CLSTN2: variants seen among roughly 807,000 people sequenced by gnomAD.
CLSTN2 encodes calsyntenin 2, also known as calsyntenin-2.
CLSTN2 carries 48 observed loss-of-function variants against 101.2 expected under a neutral mutation model. That is an observed-to-expected ratio of 0.47 (90% CI 0.38 to 0.60). The LOEUF (loss-of-function observed/expected upper bound fraction) is 0.60, where lower values mean the gene tolerates loss of function less well. Among genes scored for constraint, CLSTN2 ranks in the 20% least tolerant of loss-of-function variants. The probability of loss-of-function intolerance (pLI) is 0.00; values close to 1 mark genes in which losing one functional copy is unlikely to be tolerated. For synonymous variants in CLSTN2, 481 were observed against 463.6 expected, an observed-to-expected ratio of 1.04 and a Z score of -0.48; for missense variants, 1,160 against 1,238.2, an observed-to-expected ratio of 0.94 and a Z score of 0.95.
intron 8 of CLSTN2, among the ~76,000 whole-genome samples, chr3:140,480,776 C>A (rs926272621): frequency 6.6e-6 from 1 of 152,204 alleles, no homozygotes; most frequent in Non-Finnish European, 1.5e-5. Flanking sequence ...ATCCTTCACC[C>A]ACTTGTTGAT....
At chr3:140,168,464 AT>A (rs1346149482) in intron 1 of CLSTN2, among the ~76,000 whole-genome samples, 1 of 151,940 alleles carries the variant, frequency 6.6e-6, no homozygotes, top group Non-Finnish European at 1.5e-5. Context: ...GTGGCTTACA[AT>A]TTTTTTAGAG....
intron 1 of CLSTN2, among the ~76,000 whole-genome samples, chr3:139,955,112 C>CCATATATATATATATATATATATATA (rs1553785577): frequency 4.2e-5 from 3 of 71,504 alleles, no homozygotes; most frequent in Non-Finnish European, 2.5e-5. Flanking sequence ...GGCAATATTG[C>CCATATATATATATATATATATATATA]TATATATATA....
chr3:140,514,156 A>G (rs1028548646), intron 8 of CLSTN2, among the ~76,000 whole-genome samples: 1 of 151,762 alleles, frequency 6.6e-6, no homozygotes, highest in Non-Finnish European at 1.5e-5. Flanking sequence ...TATTTTTTCA[A>G]TAGGTTTTTG....
At chr3:140,276,782 G>A (rs1448483474) in intron 2 of CLSTN2, among the ~76,000 whole-genome samples, 2 of 152,188 alleles carry the variant, frequency 1.3e-5, no homozygotes, top group African/African-American at 4.8e-5. Context: ...CATAGAACGT[G>A]TATCAAAGGA....
intron 9 of CLSTN2, among the ~76,000 whole-genome samples, chr3:140,544,107 T>G (rs1274137148): frequency 6.6e-6 from 1 of 152,210 alleles, no homozygotes; most frequent in Admixed American, 6.5e-5. Flanking sequence ...TCTCCTTCAA[T>G]TCAAGCAAAC....
intron 1 of CLSTN2, among the ~76,000 whole-genome samples, chr3:140,094,664 G>A (rs192215863): frequency 6.6e-6 from 1 of 152,164 alleles, no homozygotes; most frequent in Non-Finnish European, 1.5e-5. Flanking sequence ...AACAGCTAGG[G>A]TGCTGTGCAA....
Position 140,529,363 on chromosome 3 carries a change from G to C in CLSTN2, c.1345-2961G>C, listed in dbSNP as rs1282183367. 2.0e-5 allele frequency among the ~76,000 whole-genome samples: 3 copies of C among 152,190 alleles called. No individual in the cohort carries two copies. The East Asian group carries it at 5.8e-4, about 29-fold the overall frequency. ...TAGGCAAGGCCTCAGGCATCATTCT[G>C]GGGGATGGTGTCAGACATTCTTGGA... On this transcript the variant is annotated intron_variant, in intron 8 of 16. Transcript: ENST00000458420.
At chr3:140,234,319 G>A (rs965024398) in intron 2 of CLSTN2, among the ~76,000 whole-genome samples, 8 of 152,106 alleles carry the variant, frequency 5.3e-5, no homozygotes, top group South Asian at 4.1e-4. Flanking sequence ...CTGTCTAGAC[G>A]ACACTCTGAG....
At chr3:140,443,770 C>T (rs1254867034) in intron 5 of CLSTN2, among the ~76,000 whole-genome samples, 2 of 152,162 alleles carry the variant, frequency 1.3e-5, no homozygotes, top group Admixed American at 6.5e-5. Context: ...TGGAAGGTCC[C>T]TGTGTTAGGC....
chr3:140,327,162 G>A (rs1257370563), intron 2 of CLSTN2, among the ~76,000 whole-genome samples: 4 of 152,114 alleles, frequency 2.6e-5, no homozygotes, highest in Non-Finnish European at 4.4e-5. Context: ...ATACACATGC[G>A]CTGAATGAGC....
chr3:140,163,017 A>C (rs2085912272), intron 1 of CLSTN2, among the ~76,000 whole-genome samples: 1 of 152,168 alleles, frequency 6.6e-6, no homozygotes, highest in South Asian at 2.1e-4. Context: ...TATCCTATCA[A>C]ATCTTCTCAC....
chr3:140,286,130 G>C (rs1288547472), intron 2 of CLSTN2, among the ~76,000 whole-genome samples: 1 of 152,148 alleles, frequency 6.6e-6, no homozygotes, highest in East Asian at 1.9e-4. Flanking sequence ...TTTCTGAGCA[G>C]CTGTGGTCCA....
chr3:140,064,285 G>A (rs368009101), intron 1 of CLSTN2, among the ~76,000 whole-genome samples: 13 of 152,136 alleles, frequency 8.5e-5, no homozygotes, highest in African/African-American at 3.1e-4. Flanking sequence ...TTATGCAAAA[G>A]GTTTTGATCT....
At chr3:140,314,390 C>T (rs971437730) in intron 2 of CLSTN2, among the ~76,000 whole-genome samples, 6 of 152,094 alleles carry the variant, frequency 3.9e-5, no homozygotes, top group African/African-American at 1.4e-4. Context: ...CCCCTTGAGC[C>T]CATGACTCTG....
chr3:140,316,153 C>T (rs1305665163), intron 2 of CLSTN2, among the ~76,000 whole-genome samples: 1 of 152,090 alleles, frequency 6.6e-6, no homozygotes, highest in Non-Finnish European at 1.5e-5. Flanking sequence ...CTCTTTACAG[C>T]CCAGCTGGGG....
At chr3:140,139,032 G>GT (rs981616355) in intron 1 of CLSTN2, among the ~76,000 whole-genome samples, 43 of 152,316 alleles carry the variant, frequency 2.8e-4, no homozygotes, top group African/African-American at 9.4e-4. Flanking sequence ...CCTGGACTTT[G>GT]TTTTTTATAA....
intron 1 of CLSTN2, among the ~76,000 whole-genome samples, chr3:140,133,475 C>T (rs1360163408): frequency 6.6e-6 from 1 of 152,134 alleles, no homozygotes. Flanking sequence ...GTGTTTGTAC[C>T]TAAGGTGTCT....
At chr3:140,011,751 T>C (rs1012071689) in intron 1 of CLSTN2, among the ~76,000 whole-genome samples, 4 of 151,938 alleles carry the variant, frequency 2.6e-5, no homozygotes, top group Admixed American at 2.0e-4. Context: ...TGACCTTGCA[T>C]GAGAGTTTTG....
chr3:140,252,451 T>C (rs2086572463), intron 2 of CLSTN2, among the ~76,000 whole-genome samples: 1 of 152,156 alleles, frequency 6.6e-6, no homozygotes, highest in South Asian at 2.1e-4. Flanking sequence ...TATCTAAGCC[T>C]ACTGAATCAG....
Sources: gnomAD v4.1 joint callset for allele counts (sites outside exome capture counted in the v4.1 genomes callset) on GRCh38, gnomAD v4.1.1 for gene constraint, MANE v1.5 for transcripts, NCBI Gene and HGNC (gene_info 2026-07-23, HGNC 2026-07-21) for gene names.